Variants in WDFY3 observed in about 807,000 individuals in gnomAD.
WDFY3 encodes the protein WD repeat and FYVE domain-containing protein 3.
A neutral mutation model predicts 409.6 loss-of-function variants in WDFY3; 66 were observed. The ratio of observed to expected loss-of-function variants is 0.16; its 90% CI spans 0.13 to 0.20. The LOEUF (loss-of-function observed/expected upper bound fraction) is 0.20, where lower values mean the gene tolerates loss of function less well. WDFY3 is among the 10% of genes least tolerant of loss of function. The pLI is 1.00. For synonymous variants in WDFY3, 1,521 were observed against 1,537.1 expected, an observed-to-expected ratio of 0.99 and a Z score of 0.25; for missense variants, 3,031 against 4,298.1, an observed-to-expected ratio of 0.71 and a Z score of 8.24.
chr4:84,922,684 G>A (rs764998965), intron 2 of WDFY3, among the ~76,000 whole-genome samples: 3 of 151,972 alleles, frequency 2.0e-5, no homozygotes, highest in Non-Finnish European at 4.4e-5. Flanking sequence ...TTTTGAGACA[G>A]GGTCTCGCTC....
chr4:84,873,734 C>T (rs1762413596), intron 3 of WDFY3, among the ~76,000 whole-genome samples: 1 of 151,872 alleles, frequency 6.6e-6, no homozygotes, highest in African/African-American at 2.4e-5. Flanking sequence ...TAGTGTAAAT[C>T]TCACTAACAT....
rs773128588 is a variant in WDFY3, at chr4:84,831,513, C to A, written c.669G>T (p.Trp223Cys). 6.2e-7 allele frequency: 1 copy of A among 1,614,042 alleles called. No homozygotes were observed. The highest frequency in any genetic ancestry group is 1.7e-5 in the Admixed American group (1 of 60,010). The change falls in exon 8 of 68, where the codon TGG (tryptophan) becomes TGT (cysteine). Residue 223 changes from tryptophan to cysteine, a missense_variant. By Grantham distance (215) the Trp-to-Cys change is radical. Transcript: ENST00000295888. ...TCCAAGGCAGGTTATAGGGAGGGCA[C>A]CAAGAGGTTATTGCACTGAATAGAA... is the stretch of plus-strand genomic sequence containing the variant. ...LQLLFSAITS[W>C]CPPYNLPWRK...
At position 84,713,155 on chromosome 4, in the gene WDFY3, C is replaced by CTG; in HGVS notation, c.8042+3_8042+4insCA. 1 of 1,614,010 alleles carries CTG rather than the reference C, an allele frequency of 6.2e-7. No individual in the cohort carries two copies. Among genetic ancestry groups the CTG allele is most frequent in the Non-Finnish European group, 8.5e-7 (1 of 1,179,886 alleles). ...CTGTAACATGCAAGGAACAAACCAC[C>CTG]TACCCCTGCTCCACACTCGTGTTTG... On this transcript the variant is annotated splice_donor_region_variant and intron_variant, in intron 51 of 67. Coordinates refer to ENST00000295888, the MANE Select transcript of WDFY3 (RefSeq NM_014991.6).
intron 32 of WDFY3, among the ~76,000 whole-genome samples, chr4:84,763,049 C>T (rs1742972461): frequency 6.6e-6 from 1 of 151,784 alleles, no homozygotes; most frequent in South Asian, 2.1e-4. Context: ...ATTGCAAGTC[C>T]TAAAAAAAAA....
chr4:84,767,474 G>A (rs772009933), intron 30 of WDFY3, among the ~76,000 whole-genome samples: 1 of 152,060 alleles, frequency 6.6e-6, no homozygotes, highest in African/African-American at 2.4e-5. Flanking sequence ...TCAAAAGCAA[G>A]AAATGATTAA....
In WDFY3 at chr4:84,774,947, A is replaced by T. The variant is rs760930833; in HGVS notation, c.4627T>A (p.Phe1543Ile). The part of the protein sequence containing the change: ...ASKNAKLMRE[F>I]QLIPKLLLTL... Reference sequence around the variant, plus strand: ...AGGAGCAGCTTTGGGATTAACTGGAATTCTCTCATTAATTTGGCATTCTTT... The same window carrying T: ...AGGAGCAGCTTTGGGATTAACTGGATTTCTCTCATTAATTTGGCATTCTTT... The change falls in exon 29 of 68, where the codon TTC becomes ATC. Residue 1543 changes from phenylalanine to isoleucine, a missense_variant. This residue lies in a region of WDFY3 where 342 missense variants were observed against 463.7 expected (regional missense o/e 0.74). Coordinates refer to ENST00000295888, the MANE Select transcript of WDFY3 (RefSeq NM_014991.6). 1 of 1,613,862 alleles carries T rather than the reference A, an allele frequency of 6.2e-7. No homozygotes were observed. Among genetic ancestry groups the T allele is most frequent in the Non-Finnish European group, 8.5e-7 (1 of 1,179,908 alleles).
intron 24 of WDFY3, 26 bp from the exon 25 acceptor site, chr4:84,783,100 GT>G (rs1746859474): frequency 6.3e-7 from 1 of 1,585,408 alleles, no homozygotes; most frequent in African/African-American, 1.3e-5. Context: ...GGAAAAGAAT[GT>G]AATTATATAA....
At chr4:84,726,806 AC>A (rs1237776062) in intron 45 of WDFY3, 54 bp downstream of exon 45, 8 of 1,549,160 alleles carry the variant, frequency 5.2e-6, no homozygotes, top group Non-Finnish European at 5.2e-6. Flanking sequence ...AAACCAGAAA[AC>A]AAAAAACAAA....
intron 1 of WDFY3, among the ~76,000 whole-genome samples, chr4:84,933,682 C>A (rs1771049349): frequency 6.6e-6 from 1 of 151,988 alleles, no homozygotes; most frequent in African/African-American, 2.4e-5. Flanking sequence ...CCACCCACTA[C>A]CCTGCCCAGC....
chr4:84,925,233 A>C (rs139347483), intron 2 of WDFY3, among the ~76,000 whole-genome samples: 8 of 152,130 alleles, frequency 5.3e-5, no homozygotes, highest in Non-Finnish European at 1.0e-4. Context: ...CTACTCTATT[A>C]GCCTCAAAGA....
At chr4:84,774,714 G>T in intron 29 of WDFY3, 106 bp downstream of exon 29, 1 of 1,106,102 alleles carries the variant, frequency 9.0e-7, no homozygotes, top group Non-Finnish European at 1.3e-6. Flanking sequence ...TAACATTACA[G>T]GTGTTATTAC....
intron 53 of WDFY3, among the ~76,000 whole-genome samples, chr4:84,706,442 A>G (rs1731950960): frequency 6.6e-6 from 1 of 151,986 alleles, no homozygotes; most frequent in Non-Finnish European, 1.5e-5. Context: ...GAGTTGAGAG[A>G]GACATAAAAT....
chr4:84,834,550 C>T (rs188405941), intron 7 of WDFY3, among the ~76,000 whole-genome samples: 1 of 151,990 alleles, frequency 6.6e-6, no homozygotes, highest in South Asian at 2.1e-4. Context: ...ACTTGGGTGG[C>T]TGAGGCACAA....
At chr4:84,926,704 C>T (rs900722210) in intron 2 of WDFY3, among the ~76,000 whole-genome samples, 3 of 152,064 alleles carry the variant, frequency 2.0e-5, no homozygotes, top group African/African-American at 7.2e-5. Context: ...CAGAAGTTTT[C>T]GTAATAAAAA....
chr4:84,923,366 G>A (rs1020728817), intron 2 of WDFY3, among the ~76,000 whole-genome samples: 2 of 152,122 alleles, frequency 1.3e-5, no homozygotes, highest in African/African-American at 4.8e-5. Context: ...CTGCCCACTT[G>A]ACTACCCTAG....
Position 84,794,954 on chromosome 4 carries a change from G to A in WDFY3, c.3193C>T (p.Pro1065Ser), listed in dbSNP as rs1236217191. 1.9e-6 allele frequency: 3 copies of A among 1,562,014 alleles called. No individual in the cohort carries two copies. The highest frequency in any genetic ancestry group is 1.7e-6 in the Non-Finnish European group (2 of 1,159,384). ...FGCLFLPSLA[P>S]HNAPTNNTVT... ...GTATTATTTGTAGGAGCATTATGAG[G>A]GGCCAAACTGGGCAAAAAAAGACAT... Residue 1065 changes from proline (P) to serine (S), a missense_variant, in exon 20 of 68, where the codon CCT (proline) becomes TCT (serine). Pro to Ser is a moderately conservative substitution (Grantham distance 74, BLOSUM62 -1). Transcript: ENST00000295888.
chr4:84,774,668 A>G (rs1162867454), intron 29 of WDFY3, 152 bp downstream of exon 29: 5 of 820,612 alleles, frequency 6.1e-6, no homozygotes, highest in Middle Eastern at 3.8e-4. Flanking sequence ...TGTCTCATTC[A>G]TGTTTTCCAT....
At chr4:84,720,243 A>G (rs1734625901) in intron 47 of WDFY3, among the ~76,000 whole-genome samples, 1 of 152,200 alleles carries the variant, frequency 6.6e-6, no homozygotes, top group Non-Finnish European at 1.5e-5. Flanking sequence ...AGTGATATAT[A>G]TAAGGCATCA....
At chr4:84,781,555 A>G (rs1746526811) in intron 25 of WDFY3, among the ~76,000 whole-genome samples, 1 of 151,980 alleles carries the variant, frequency 6.6e-6, no homozygotes, top group Non-Finnish European at 1.5e-5. Context: ...CCAGCCCACA[A>G]TACCTTCATA....
Sources: gnomAD v4.1 joint callset for allele counts (sites outside exome capture counted in the v4.1 genomes callset) on GRCh38, gnomAD v4.1.1 for gene constraint, gnomAD v4.1.1 regional missense constraint, MANE v1.5 for transcripts, NCBI Gene and HGNC (gene_info 2026-07-23, HGNC 2026-07-21) for gene names.